The following AP3D1 variants were observed in gnomAD, a reference collection of about 807,000 sequenced individuals.
AP3D1 encodes the protein AP-3 complex subunit delta-1.
Under a neutral mutation model 147.6 loss-of-function variants are expected in AP3D1, and 51 were observed. The observed-to-expected ratio is 0.35, with a 90% CI of 0.28 to 0.44. AP3D1 has a LOEUF of 0.44. Ranked by LOEUF, AP3D1 falls within the 20% of genes least tolerant of loss-of-function variation. The pLI is 1.00. For missense variants in AP3D1, 1,421 were observed against 1,624.2 expected, an observed-to-expected ratio of 0.87 and a Z score of 2.15; for synonymous variants, 760 against 663.0, an observed-to-expected ratio of 1.15 and a Z score of -2.25.
intron 15 of AP3D1, 42 bp from the exon 16 acceptor site, chr19:2,117,409 G>A (rs772730332): frequency 1.3e-6 from 2 of 1,519,432 alleles, no homozygotes; most frequent in African/African-American, 1.4e-5. Flanking sequence ...CTGCCCGGAA[G>A]GCCACTCGGC....
chr19:2,123,944 G>A, intron 9 of AP3D1, 65 bp from the exon 10 acceptor site: 2 of 1,524,190 alleles, frequency 1.3e-6, no homozygotes, highest in Admixed American at 3.9e-5. Context: ...CCAACTCAGG[G>A]CCACGGGGCA....
At chr19:2,149,713 T>C (rs2019455237) in intron 1 of AP3D1, among the ~76,000 whole-genome samples, 1 of 152,062 alleles carries the variant, frequency 6.6e-6, no homozygotes, top group Non-Finnish European at 1.5e-5. Flanking sequence ...ACTAGAGGTG[T>C]GGTCCTCCAC....
intron 11 of AP3D1, among the ~76,000 whole-genome samples, chr19:2,122,887 C>T (rs1285414916): frequency 6.6e-6 from 1 of 152,226 alleles, no homozygotes; most frequent in East Asian, 1.9e-4. Context: ...CAGGCAGGGG[C>T]CGCTAATTCT....
intron 1 of AP3D1, among the ~76,000 whole-genome samples, chr19:2,159,861 C>T (rs1423144268): frequency 6.7e-6 from 1 of 149,888 alleles, no homozygotes; most frequent in African/African-American, 2.5e-5. Flanking sequence ...GGTCTACAGG[C>T]GCCTGCCAAC....
Position 2,151,311 on chromosome 19 carries a change from G to T in AP3D1, c.24C>A (p.Gly8=). 4 of 1,608,764 alleles carry T rather than the reference G, an allele frequency of 2.5e-6. No homozygotes were observed. The highest frequency in any genetic ancestry group is 2.5e-6 in the Non-Finnish European group (3 of 1,177,502). The change falls in exon 1 of 32, where the codon GGC becomes GGA. Residue 8 remains glycine (G), a synonymous_variant. Transcript: ENST00000643116. MALKMVK[G]SIDRMFDKNL... ...TCTTGTCGAACATGCGGTCGATGCT[G>T]CCCTTCACCATCTTGAGGGCCATCG... is the stretch of plus-strand genomic sequence containing the variant.
chr19:2,119,538 C>CA (rs903998933), intron 14 of AP3D1, among the ~76,000 whole-genome samples: 1 of 150,660 alleles, frequency 6.6e-6, no homozygotes, highest in Non-Finnish European at 1.5e-5. Context: ...CTAAAAAATG[C>CA]AAAAAAAATT....
intron 1 of AP3D1, among the ~76,000 whole-genome samples, chr19:2,150,193 C>T (rs2019468563): frequency 6.6e-6 from 1 of 152,196 alleles, no homozygotes; most frequent in Admixed American, 6.5e-5. Flanking sequence ...CTGGGCACCT[C>T]GTCCTGGACA....
At chr19:2,162,496 A>G (rs994627093) in intron 1 of AP3D1, among the ~76,000 whole-genome samples, 5 of 151,354 alleles carry the variant, frequency 3.3e-5, no homozygotes, top group African/African-American at 1.2e-4. Context: ...ATGCATCTCT[A>G]CTAAAACTAC....
chr19:2,163,841 G>A lies in AP3D1; in HGVS notation c.-103+515C>T, dbSNP rs540220195. On this transcript the variant is annotated intron_variant, in intron 1 of 14. Coordinates refer to the AP3D1 transcript ENST00000643010. The stretch of plus-strand genomic sequence containing the variant: ...GGGCGCCGAGGGGGTGGCGCGCGCG[G>A]GTCGGCCCGCTGGGCGGCGGGCACG... 5.0e-4 allele frequency among the ~76,000 whole-genome samples: 76 copies of A among 150,538 alleles called. 1 individual carries two copies. In the South Asian group the frequency reaches 0.015, roughly 30 times the overall value.
intron 1 of AP3D1, among the ~76,000 whole-genome samples, chr19:2,159,204 G>A (rs2019673936): frequency 6.6e-6 from 1 of 150,504 alleles, no homozygotes; most frequent in Non-Finnish European, 1.5e-5. Context: ...TGGCCACGAT[G>A]GTTTCCATCT....
intron 11 of AP3D1, among the ~76,000 whole-genome samples, chr19:2,122,356 C>T (rs1568288629): frequency 1.3e-5 from 2 of 152,224 alleles, no homozygotes; most frequent in African/African-American, 4.8e-5. Flanking sequence ...CCAGGGCCAC[C>T]CCAGCCACAG....
chr19:2,101,853 A>G lies in AP3D1; in HGVS notation c.*320T>C. 1 of 340,324 alleles carries G rather than the reference A, an allele frequency of 2.9e-6. No homozygotes were observed. Among genetic ancestry groups the G allele is most frequent in the African/African-American group, 2.2e-5 (1 of 45,822 alleles). 21.1% of individuals were successfully genotyped at this position (340,324 alleles called of 1,614,324 possible). A position where few individuals can be genotyped will look rare whatever the true frequency, so the allele number is the denominator to read the frequency against. On this transcript the variant is annotated 3_prime_UTR_variant, in exon 32 of 32. Transcript: ENST00000643116. ...TGCCCATCAGGCCCTGGCCCAGGAC[A>G]GGAGCCCCTGAAGCCACATTCAAGG...
In AP3D1 at chr19:2,115,611, C is replaced by T; in HGVS notation, c.2076G>A (p.Arg692=). The change falls in exon 19 of 32, where the codon CGG becomes CGA. Residue 692 remains arginine (R), a splice_region_variant and synonymous_variant. Transcript: ENST00000643116. ...YIKSSPSPQK[R]YQDTPGVEHI... ...GCTCCACGCCCGGGGTGTCCTGGTACCGCTGCAAAGGCAACACCCAGGCGT... is the reference window on the plus strand; with the variant it reads ...GCTCCACGCCCGGGGTGTCCTGGTATCGCTGCAAAGGCAACACCCAGGCGT... The T allele has an allele frequency of 1.2e-6, 2 of 1,612,180 alleles. No individual in the cohort carries two copies. Among genetic ancestry groups the T allele is most frequent in the Middle Eastern group, 1.7e-4 (1 of 6,056 alleles).
At chr19:2,125,872 T>C (rs1289833233) in intron 9 of AP3D1, among the ~76,000 whole-genome samples, 3 of 149,894 alleles carry the variant, frequency 2.0e-5, no homozygotes, top group African/African-American at 4.9e-5. Flanking sequence ...GCTGGCTGAG[T>C]ACAGTAACTC....
intron 1 of AP3D1, among the ~76,000 whole-genome samples, chr19:2,162,120 C>G (rs1419559883): frequency 6.7e-6 from 1 of 148,724 alleles, no homozygotes. Context: ...ACTGCAGCCT[C>G]TGCCTCCCGG....
rs1340060138 is a variant in AP3D1 at position 2,132,467 on chromosome 19, T to A, written c.462+4A>T. ...AGGGGTGGTGGGCAGGCTTACAAAC[T>A]CACCAGTGTCATGATGTCATTTGCC... is the stretch of plus-strand genomic sequence containing the variant. On this transcript the variant is annotated splice_donor_region_variant and intron_variant, in intron 5 of 31. Coordinates refer to ENST00000643116, the MANE Select transcript of AP3D1 (RefSeq NM_001261826.3). The A allele has an allele frequency of 6.3e-7, 1 of 1,596,162 alleles. No individual in the cohort carries two copies. The highest frequency in any genetic ancestry group is 8.6e-7 in the Non-Finnish European group (1 of 1,165,222).
intron 8 of AP3D1, among the ~76,000 whole-genome samples, chr19:2,128,466 C>A (rs1380466372): frequency 3.6e-5 from 4 of 112,002 alleles, no homozygotes; most frequent in Admixed American, 8.2e-5. Context: ...GGAGCCGGCC[C>A]GCCCCCGCCG....
At chr19:2,115,143 C>G (rs1599450772) in intron 20 of AP3D1, 76 bp downstream of exon 20, 2 of 1,456,176 alleles carry the variant, frequency 1.4e-6, no homozygotes, top group East Asian at 4.6e-5. Context: ...TGGGGAGAGG[C>G]CACTGTGCAT....
At chr19:2,133,117 C>T (rs945149307) in intron 4 of AP3D1, among the ~76,000 whole-genome samples, 21 of 152,170 alleles carry the variant, frequency 1.4e-4, no homozygotes, top group African/African-American at 4.1e-4. Flanking sequence ...CTTGCAGAGA[C>T]GGCGGTGCTG....
Sources: gnomAD v4.1 joint callset for allele counts (sites outside exome capture counted in the v4.1 genomes callset) on GRCh38, gnomAD v4.1.1 for gene constraint, MANE v1.5 for transcripts, NCBI Gene and HGNC (gene_info 2026-07-23, HGNC 2026-07-21) for gene names.